The following CAST variants were observed in gnomAD, a reference collection of about 807,000 sequenced individuals.
The protein encoded by CAST is calpastatin.
Under a neutral mutation model 119.6 loss-of-function variants are expected in CAST, and 76 were observed. The ratio of observed to expected loss-of-function variants is 0.64; its 90% confidence interval spans 0.53 to 0.77. The LOEUF (loss-of-function observed/expected upper bound fraction) is 0.77, where lower values mean the gene tolerates loss of function less well. Ranked by LOEUF, CAST falls within the 30% of genes least tolerant of loss-of-function variation. The pLI is 0.00. For missense variants in CAST, 953 were observed against 946.5 expected (o/e 1.01, Z -0.09); for synonymous variants, 319 against 331.6 (o/e 0.96, Z 0.41).
At chr5:96,666,419 G>GGT (rs1319460693) in intron 1 of CAST, among the ~76,000 whole-genome samples, 5 of 152,178 alleles carry the variant, frequency 3.3e-5, no homozygotes, top group African/African-American at 1.2e-4. Flanking sequence ...GTTAATTAAA[G>GGT]GTGTTTCTTA....
chr5:96,599,032 G>A (rs1747100454), intron 1 of CAST, among the ~76,000 whole-genome samples: 1 of 152,138 alleles, frequency 6.6e-6, no homozygotes, highest in Non-Finnish European at 1.5e-5. Context: ...TTCTGACCGT[G>A]GATCTCTCAG....
chr5:96,561,324 G>T (rs1746355160), intron 1 of CAST, among the ~76,000 whole-genome samples: 1 of 150,684 alleles, frequency 6.6e-6, no homozygotes, highest in South Asian at 2.1e-4. Flanking sequence ...CCTGCACTTT[G>T]TGTACACGTA....
the CAST span, among the ~76,000 whole-genome samples, chr5:96,334,882 C>T: frequency 7.2e-5 from 11 of 152,192 alleles, no homozygotes; most frequent in African/African-American, 1.9e-4. Context: ...TATCTAAATT[C>T]ATTATCCTGC....
chr5:96,762,390 T>C lies in CAST; in HGVS notation c.1932+18T>C, dbSNP rs1768310519. The C allele has an allele frequency of 1.9e-6, 3 of 1,542,010 alleles. No individual in the cohort carries two copies. Among genetic ancestry groups the C allele is most frequent in the Non-Finnish European group, 2.6e-6 (3 of 1,146,382 alleles). ...ATACCTCGGTAAGCAGCACATCTTA[T>C]TTGGGAGATAAATGTTTTTGCGCAG... On this transcript the variant is annotated intron_variant, in intron 25 of 31. Coordinates refer to ENST00000675179, the MANE Select transcript of CAST (RefSeq NM_001750.7).
chr5:96,620,202 A>T (rs1271749138), intron 1 of CAST, among the ~76,000 whole-genome samples: 6 of 152,050 alleles, frequency 3.9e-5, no homozygotes, highest in Non-Finnish European at 7.4e-5. Flanking sequence ...GGCGACAATC[A>T]TATGCCCCAA....
the CAST span, among the ~76,000 whole-genome samples, chr5:96,159,876 G>A: frequency 6.6e-6 from 1 of 151,720 alleles, no homozygotes; most frequent in Non-Finnish European, 1.5e-5. Context: ...GCTCACACCT[G>A]TAATCCCAGC....
chr5:96,079,254 T>C, the CAST span: 1 of 377,526 alleles, frequency 2.6e-6, no homozygotes, highest in African/African-American at 2.2e-5. Flanking sequence ...CTACCCACAC[T>C]CTTTGTCCTG....
intron 1 of CAST, among the ~76,000 whole-genome samples, chr5:96,654,272 G>A (rs1219491344): frequency 2.0e-5 from 3 of 151,958 alleles, no homozygotes; most frequent in Non-Finnish European, 4.4e-5. Flanking sequence ...TGATTTGTCT[G>A]CCTCAGCCTC....
chr5:96,156,255 T>C, the CAST span, among the ~76,000 whole-genome samples: 13 of 152,186 alleles, frequency 8.5e-5, no homozygotes, highest in African/African-American at 3.1e-4. Context: ...TACCCTTTAG[T>C]CCTAAGAGCC....
chr5:96,335,588 C>CA, the CAST span, among the ~76,000 whole-genome samples: 1 of 152,188 alleles, frequency 6.6e-6, no homozygotes, highest in African/African-American at 2.4e-5. Flanking sequence ...TTTCTACACT[C>CA]AGGATTTCAG....
At chr5:96,694,433 C>G (rs372412742) in intron 2 of CAST, among the ~76,000 whole-genome samples, 15 of 152,086 alleles carry the variant, frequency 9.9e-5, no homozygotes, top group African/African-American at 3.4e-4. Context: ...GTCAGGAGAT[C>G]GAGACCATTC....
chr5:96,771,404 TA>T (rs1772270124), intron 30 of CAST, among the ~76,000 whole-genome samples: 1 of 152,030 alleles, frequency 6.6e-6, no homozygotes, highest in South Asian at 2.1e-4. Flanking sequence ...ACCCTAGCCT[TA>T]AAAAAATAAA....
At chr5:96,770,716 A>G in intron 30 of CAST, 114 bp downstream of exon 30, 1 of 709,238 alleles carries the variant, frequency 1.4e-6, no homozygotes, top group Non-Finnish European at 2.5e-6. Flanking sequence ...AATTTCTTAA[A>G]GTACTATCTA....
At chr5:96,159,287 C>T in the CAST span, among the ~76,000 whole-genome samples, 1 of 152,138 alleles carries the variant, frequency 6.6e-6, no homozygotes, top group Non-Finnish European at 1.5e-5. Context: ...GGACACCCTC[C>T]CTCCTCATGC....
At chr5:96,234,707 T>C in the CAST span, among the ~76,000 whole-genome samples, 2 of 152,224 alleles carry the variant, frequency 1.3e-5, no homozygotes, top group African/African-American at 2.4e-5. Flanking sequence ...GTTTTCTCTT[T>C]TTCCAGTAAA....
At chr5:96,761,018 A>C (rs1002677473) in intron 24 of CAST, 1 of 152,118 alleles carries the variant, frequency 6.6e-6, no homozygotes. Flanking sequence ...TAATGTTGAG[A>C]AAGCAAACTC....
At chr5:96,642,996 G>A (rs920742545) in intron 1 of CAST, among the ~76,000 whole-genome samples, 1 of 151,468 alleles carries the variant, frequency 6.6e-6, no homozygotes, top group African/African-American at 2.4e-5. Flanking sequence ...AGAGACCAGA[G>A]AGGTTGAGTA....
chr5:96,194,475 T>C, the CAST span, among the ~76,000 whole-genome samples: 1 of 152,164 alleles, frequency 6.6e-6, no homozygotes, highest in Admixed American at 6.5e-5. Flanking sequence ...AGAACATTGG[T>C]GTATCAGCGA....
chr5:96,134,055 G>A, the CAST span, among the ~76,000 whole-genome samples: 8 of 152,284 alleles, frequency 5.3e-5, no homozygotes, highest in Admixed American at 3.3e-4. Flanking sequence ...TAAAACCTCC[G>A]TTTCTACAGT....
Sources: gnomAD v4.1 joint callset for allele counts (sites outside exome capture counted in the v4.1 genomes callset) on GRCh38, gnomAD v4.1.1 for gene constraint, MANE v1.5 for transcripts, NCBI Gene and HGNC (gene_info 2026-07-23, HGNC 2026-07-21) for gene names.